ZNF133: variants seen among roughly 807,000 people sequenced by gnomAD.
ZNF133 encodes the protein zinc finger protein 133.
Under a neutral mutation model 54.9 loss-of-function variants are expected in ZNF133, and 26 were observed. The ratio of observed to expected loss-of-function variants is 0.47; its 90% CI spans 0.35 to 0.66. The LOEUF (loss-of-function observed/expected upper bound fraction) is 0.66, where lower values mean the gene tolerates loss of function less well. Among genes scored for constraint, ZNF133 ranks in the 30% least tolerant of loss-of-function variants. ZNF133 has a pLI of 0.01. For synonymous variants in ZNF133, 298 were observed against 320.3 expected, an observed-to-expected ratio of 0.93 and a Z score of 0.74; for missense variants, 653 against 820.8, an observed-to-expected ratio of 0.80 and a Z score of 2.50.
intron 1 of ZNF133, among the ~76,000 whole-genome samples, chr20:18,296,220 C>A (rs1179241294): frequency 6.6e-6 from 1 of 152,180 alleles, no homozygotes; most frequent in Admixed American, 6.5e-5. Flanking sequence ...TGCTCATCAT[C>A]AGTCTTTTTG....
intron 3 of ZNF133, among the ~76,000 whole-genome samples, chr20:18,302,656 T>G (rs2043648491): frequency 6.6e-6 from 1 of 152,220 alleles, no homozygotes; most frequent in African/African-American, 2.4e-5. Context: ...CTTTTGCCAC[T>G]TATAGCCAAC....
chr20:18,308,510 G>A (rs1205182019), intron 6 of ZNF133, among the ~76,000 whole-genome samples: 1 of 152,118 alleles, frequency 6.6e-6, no homozygotes. Context: ...GAAAGGTTCA[G>A]GATATTTTTA....
rs769562028 is a variant in ZNF133 at position 18,315,465 on chromosome 20, G to A, written c.614G>A (p.Arg205Lys). Residue 205 changes from arginine to lysine, a missense_variant, in exon 7 of 7, where the codon AGG (arginine) becomes AAG (lysine). Physicochemically the swap from Arg to Lys is conservative, Grantham distance 26 (BLOSUM62 2). This residue lies in a region of ZNF133 where 292 missense variants were observed against 431.6 expected (regional missense o/e 0.68). Coordinates refer to ENST00000425686, the MANE Select transcript of ZNF133 (RefSeq NM_001352452.2). ...GAGGAAACAGACAAATTGTTGAAGA[G>A]GATAGAAGTCTTAGGATTTGGAACA... ...NPEETDKLLK[R>K]IEVLGFGTVN... 3 of 1,614,096 alleles carry A rather than the reference G, an allele frequency of 1.9e-6. No homozygotes were observed. The highest frequency in any genetic ancestry group is 1.3e-5 in the African/African-American group (1 of 74,934).
rs574887807 is a variant in ZNF133, at chr20:18,308,085, C to T, written c.217+1692C>T. ...TATTTACCATTACTAGTGGTTACCT[C>T]TGTGGGGATAGAATTGGGGAGGGTT... On this transcript the variant is annotated intron_variant, in intron 6 of 6. Coordinates refer to ENST00000425686, the MANE Select transcript of ZNF133 (RefSeq NM_001352452.2). 1.6e-4 allele frequency among the ~76,000 whole-genome samples: 25 copies of T among 152,222 alleles called. No individual in the cohort carries two copies. In the South Asian group the frequency reaches 4.8e-3, roughly 29 times the overall value.
Position 18,315,655 on chromosome 20 carries a change from G to A in ZNF133, c.804G>A (p.Lys268=), listed in dbSNP as rs1451051015. ...ACCAGAAGGCACACTCGGGGGAGAA[G>A]CCAATTGTGTGCAGGGAGTGTGGAC... The part of the protein sequence containing the change: ...ARHQKAHSGE[K]PIVCRECGRG... Residue 268 remains lysine (K), a synonymous_variant, in exon 7 of 7, where the codon AAG becomes AAA. Coordinates refer to ENST00000425686, the MANE Select transcript of ZNF133 (RefSeq NM_001352452.2). 5 of 1,614,142 alleles carry A rather than the reference G, an allele frequency of 3.1e-6. No individual in the cohort carries two copies. The highest frequency in any genetic ancestry group is 3.4e-6 in the Non-Finnish European group (4 of 1,179,994).
intron 6 of ZNF133, chr20:18,310,290 G>A (rs1208588163): frequency 6.5e-7 from 1 of 1,533,482 alleles, no homozygotes; most frequent in South Asian, 1.2e-5. Context: ...TGTGTAACGG[G>A]AGGAAGACTG....
At chr20:18,306,185 C>T (rs2044545244) in intron 5 of ZNF133, 113 bp from the exon 6 acceptor site, 1 of 990,806 alleles carries the variant, frequency 1.0e-6, no homozygotes, top group South Asian at 1.7e-5. Flanking sequence ...CTCACCTCTT[C>T]CAACTCAGGG....
rs376776190 is a variant in ZNF133 at position 18,305,222 on chromosome 20, A to G, written c.-7+44A>G. 3.7e-5 allele frequency: 37 copies of G among 989,032 alleles called. No homozygotes were observed. The South Asian group carries it at 4.2e-4, about 11-fold the overall frequency. The allele number at this position is 989,032 out of a possible 1,614,324, so 61.3% of individuals were successfully genotyped here. On this transcript the variant is annotated intron_variant, in intron 4 of 6. Coordinates refer to ENST00000425686, the MANE Select transcript of ZNF133 (RefSeq NM_001352452.2). The surrounding 1 kb of genome is among the most constrained non-coding windows in gnomAD (Gnocchi z 4.7). ...TAGTTGGTGGCAGAGGTGGGTCTGA[A>G]ACTCAGGCACCATGATTCCAGGGCT...
chr20:18,306,173 C>T lies in ZNF133; in HGVS notation c.122-125C>T, dbSNP rs937461155. On this transcript the variant is annotated intron_variant, in intron 5 of 6. Coordinates refer to ENST00000425686, the MANE Select transcript of ZNF133 (RefSeq NM_001352452.2). ...TCATCCCTTCCATTTCTGAGAGCCC[C>T]ACTCACCTCTTCCAACTCAGGGCTT... 4.0e-5 allele frequency: 33 copies of T among 827,724 alleles called. No homozygotes were observed. In the Admixed American group the frequency reaches 4.5e-4, roughly 11 times the overall value. The allele number at this position is 827,724 out of a possible 1,614,324, so 51.3% of individuals were successfully genotyped here. A position where few individuals can be genotyped will look rare whatever the true frequency, so the allele number is the denominator to read the frequency against.
intron 3 of ZNF133, among the ~76,000 whole-genome samples, chr20:18,304,223 T>C (rs1326448685): frequency 6.6e-6 from 1 of 152,148 alleles, no homozygotes; most frequent in Non-Finnish European, 1.5e-5. Flanking sequence ...TACCAATTAG[T>C]ATGGCTATTA....
chr20:18,289,336 C>G (rs2040369536), intron 1 of ZNF133, among the ~76,000 whole-genome samples: 1 of 152,156 alleles, frequency 6.6e-6, no homozygotes, highest in Non-Finnish European at 1.5e-5. Context: ...TGTGGCCAGG[C>G]TTTGGGATTT....
At chr20:18,296,333 T>C (rs1168631859) in intron 1 of ZNF133, among the ~76,000 whole-genome samples, 2 of 152,150 alleles carry the variant, frequency 1.3e-5, no homozygotes, top group African/African-American at 4.8e-5. Flanking sequence ...TTTTAACATG[T>C]TTGAGTCAAT....
intron 1 of ZNF133, among the ~76,000 whole-genome samples, chr20:18,289,025 C>T (rs1186383416): frequency 2.0e-5 from 3 of 152,120 alleles, no homozygotes; most frequent in Admixed American, 2.0e-4. Flanking sequence ...GAATGGGAAC[C>T]ATCCCTGGGG....
intron 3 of ZNF133, among the ~76,000 whole-genome samples, chr20:18,302,764 G>C (rs2043673909): frequency 1.3e-5 from 2 of 152,192 alleles, no homozygotes; most frequent in South Asian, 2.1e-4. Context: ...TGCAGGTGGC[G>C]TGATCTTAAA....
At position 18,315,586 on chromosome 20, in the gene ZNF133, G is replaced by C. The variant is rs929582919; in HGVS notation, c.735G>C (p.Gly245=). 6.2e-7 allele frequency: 1 copy of C among 1,614,092 alleles called. No individual in the cohort carries two copies. The highest frequency in any genetic ancestry group is 1.3e-5 in the African/African-American group (1 of 75,036). Residue 245 remains glycine (G), a synonymous_variant, in exon 7 of 7, where the codon GGG becomes GGC. Transcript: ENST00000425686. The stretch of plus-strand genomic sequence containing the variant: ...CAGGGGAGAAGCCCTACGTGTGTGG[G>C]GTATGTGAGAAGGGCTTCAGCCTAA... ...IHSGEKPYVC[G]VCEKGFSLKK...
Position 18,306,330 on chromosome 20 carries a change from C to T in ZNF133, c.154C>T (p.Gln52Ter), listed in dbSNP as rs2044585209. ...ATTTTCTAAACCAGAACTCATCACC[C>T]AGCTGGAGCAAGGGAAAGAGACCTG... ...ISFSKPELIT[Q>*]LEQGKETWRE... is the part of the protein sequence containing the mutation. Residue 52 changes from glutamine (Q) to a stop codon, truncating the protein, a stop_gained, in exon 6 of 7, where the codon CAG (glutamine) becomes TAG (stop). Coordinates refer to ENST00000425686, the MANE Select transcript of ZNF133 (RefSeq NM_001352452.2). LOFTEE classifies it high-confidence loss of function. 6.2e-7 allele frequency: 1 copy of T among 1,613,836 alleles called. No homozygotes were observed. The highest frequency in any genetic ancestry group is 8.5e-7 in the Non-Finnish European group (1 of 1,179,936).
chr20:18,316,738 T>C lies in ZNF133; in HGVS notation c.1887T>C (p.Ser629=). The C allele has an allele frequency of 6.2e-7, 1 of 1,614,232 alleles. No homozygotes were observed. The highest frequency in any genetic ancestry group is 1.6e-4 in the Middle Eastern group (1 of 6,062). Residue 629 remains serine (S), a synonymous_variant, in exon 7 of 7, where the codon TCT becomes TCC. Coordinates refer to ENST00000425686, the MANE Select transcript of ZNF133 (RefSeq NM_001352452.2). ...SHLSRHRKTT[S]VHHRLPVQPD... ...TCAGCAGACACAGGAAGACCACGTC[T>C]GTCCACCACAGACTGCCAGTGCAGC...
At chr20:18,311,444 C>T (rs962159076) in intron 6 of ZNF133, among the ~76,000 whole-genome samples, 1 of 152,150 alleles carries the variant, frequency 6.6e-6, no homozygotes, top group African/African-American at 2.4e-5. Flanking sequence ...GACAGAAATA[C>T]ACCAAGTTAT....
At chr20:18,296,017 G>A (rs1178483586) in intron 1 of ZNF133, among the ~76,000 whole-genome samples, 1 of 152,008 alleles carries the variant, frequency 6.6e-6, no homozygotes, top group Non-Finnish European at 1.5e-5. Flanking sequence ...TTCATTTTGT[G>A]TATTCCCTTT....
Sources: allele counts gnomAD v4.1 joint callset (sites outside exome capture counted in the v4.1 genomes callset), GRCh38; gene constraint gnomAD v4.1.1; regional missense constraint gnomAD v4.1.1; non-coding constraint Gnocchi (gnomAD v3.1); transcripts MANE v1.5; gene names NCBI Gene and HGNC (gene_info 2026-07-23, HGNC 2026-07-21).